The following ADARB2 variants were observed in gnomAD, a reference collection of about 807,000 sequenced individuals.
ADARB2 encodes adenosine deaminase RNA specific B2 (inactive).
Under a neutral mutation model 62.2 loss-of-function variants are expected in ADARB2, and 25 were observed. The observed-to-expected ratio is 0.40, with a 90% CI of 0.29 to 0.56. The LOEUF is 0.56. Ranked by LOEUF, ADARB2 falls within the 20% of genes least tolerant of loss-of-function variation. The pLI is 0.43. For synonymous variants in ADARB2, 572 were observed against 500.8 expected, an observed-to-expected ratio of 1.14 and a Z score of -1.90; for missense variants, 1,071 against 1,077.4, an observed-to-expected ratio of 0.99 and a Z score of 0.08.
intron 1 of ADARB2, among the ~76,000 whole-genome samples, chr10:1,511,191 G>A (rs987659740): frequency 4.2e-4 from 64 of 152,164 alleles, no homozygotes; most frequent in African/African-American, 1.4e-3. Context: ...CTGCTGGGGT[G>A]GGTGGGCGTA....
chr10:1,640,634 A>G (rs1042417009), intron 1 of ADARB2, among the ~76,000 whole-genome samples: 1 of 152,292 alleles, frequency 6.6e-6, no homozygotes, highest in South Asian at 2.1e-4. Context: ...GTTGCCTGGG[A>G]GACACACACA....
chr10:1,528,664 T>A (rs536345207), intron 1 of ADARB2, among the ~76,000 whole-genome samples: 2 of 152,342 alleles, frequency 1.3e-5, no homozygotes, highest in Admixed American at 1.3e-4. Context: ...ATGGCACTCT[T>A]GCCCGTTGGG....
At chr10:1,625,507 G>C (rs1833755805) in intron 1 of ADARB2, among the ~76,000 whole-genome samples, 1 of 152,080 alleles carries the variant, frequency 6.6e-6, no homozygotes, top group Non-Finnish European at 1.5e-5. Flanking sequence ...TTCCTCGGAG[G>C]GAAAAACAGG....
intron 3 of ADARB2, chr10:1,293,127 CATAGGGAAGGAAAGAGAGAGGG>C (rs1831487013): frequency 1.5e-5 from 1 of 67,696 alleles, no homozygotes. Flanking sequence ...GAGAAAGGGA[CATAGGGAAGGAAAGAGAGAGGG>C]AGAGGGAGGG....
intron 1 of ADARB2, among the ~76,000 whole-genome samples, chr10:1,471,258 C>T (rs1043662556): frequency 6.6e-6 from 1 of 152,212 alleles, no homozygotes; most frequent in Non-Finnish European, 1.5e-5. Flanking sequence ...ACCTTCCCAC[C>T]GTTCTCCTTC....
rs181763011 is a variant in ADARB2, at chr10:1,461,894, G to A, written c.101-82734C>T. On this transcript the variant is annotated intron_variant, in intron 1 of 9. Transcript: ENST00000381312. The stretch of plus-strand genomic sequence containing the variant: ...GCATGCACCTGTGATTTCAGCTACC[G>A]GGGAGGCTGAGGCAGGAGAATCGCT... Among the ~76,000 whole-genome samples the A allele has an allele frequency of 1.8e-3, 272 of 152,192 alleles. 3 individuals are homozygous for A. Among genetic ancestry groups the A allele is most frequent in the Non-Finnish European group, 3.4e-3 (228 of 68,004 alleles).
intron 3 of ADARB2, among the ~76,000 whole-genome samples, chr10:1,283,816 G>A (rs1831390100): frequency 6.6e-6 from 1 of 152,208 alleles, no homozygotes; most frequent in Non-Finnish European, 1.5e-5. Flanking sequence ...GAGTGGGGTA[G>A]TCAGGGAAGC....
At chr10:1,716,397 A>C (rs910909475) in intron 1 of ADARB2, among the ~76,000 whole-genome samples, 4 of 152,272 alleles carry the variant, frequency 2.6e-5, no homozygotes, top group African/African-American at 9.6e-5. Flanking sequence ...CAAAGTAAAA[A>C]TTGTAGATTA....
At chr10:1,193,876 C>G (rs1461092719) in intron 8 of ADARB2, among the ~76,000 whole-genome samples, 2 of 151,950 alleles carry the variant, frequency 1.3e-5, no homozygotes, top group African/African-American at 4.8e-5. Context: ...TTTTTGGTCT[C>G]TGTTTTTCAG....
chr10:1,595,435 G>A (rs2132011024), intron 1 of ADARB2, among the ~76,000 whole-genome samples: 1 of 152,350 alleles, frequency 6.6e-6, no homozygotes, highest in East Asian at 1.9e-4. Context: ...AGGACGTTCA[G>A]AAGGATCAAC....
intron 3 of ADARB2, among the ~76,000 whole-genome samples, chr10:1,316,699 C>G (rs897154497): frequency 3.3e-5 from 5 of 152,192 alleles, no homozygotes; most frequent in South Asian, 2.1e-4. Flanking sequence ...CTCCCCACAC[C>G]CCATGTGCAC....
chr10:1,601,993 A>G (rs1353742162), intron 1 of ADARB2, among the ~76,000 whole-genome samples: 1 of 84,762 alleles, frequency 1.2e-5, no homozygotes, highest in African/African-American at 4.5e-5. Flanking sequence ...GTTCTCCCTC[A>G]GAGATGGACT....
intron 1 of ADARB2, among the ~76,000 whole-genome samples, chr10:1,634,250 A>C (rs573350101): frequency 6.6e-6 from 1 of 152,326 alleles, no homozygotes; most frequent in Non-Finnish European, 1.5e-5. Flanking sequence ...CATCTGTGAG[A>C]ACACTGGACA....
At chr10:1,184,709 C>T (rs1344062129) in intron 9 of ADARB2, 152 bp downstream of exon 9, 3 of 896,198 alleles carry the variant, frequency 3.3e-6, no homozygotes, top group African/African-American at 3.4e-5. Flanking sequence ...ACGCTGCTGG[C>T]CTGGGCAGCT....
chr10:1,360,086 T>C (rs1039575141), intron 3 of ADARB2, among the ~76,000 whole-genome samples: 6 of 152,256 alleles, frequency 3.9e-5, no homozygotes, highest in Admixed American at 3.3e-4. Context: ...GACGTGGTTT[T>C]GTGGTCCTGC....
At chr10:1,672,113 C>G (rs1314712921) in intron 1 of ADARB2, among the ~76,000 whole-genome samples, 1 of 150,280 alleles carries the variant, frequency 6.7e-6, no homozygotes, top group East Asian at 2.0e-4. Context: ...AGAGCCCTAC[C>G]CCATCCCCGA....
At chr10:1,569,636 T>G (rs567529683) in intron 1 of ADARB2, among the ~76,000 whole-genome samples, 26 of 152,212 alleles carry the variant, frequency 1.7e-4, no homozygotes, top group Non-Finnish European at 2.8e-4. Flanking sequence ...CCTGTCTCCT[T>G]TTTAGAAATT....
Position 1,623,923 on chromosome 10 carries a change from C to A in ADARB2, c.100+113128G>T, listed in dbSNP as rs551033217. ...AAATGATTTGGCCAAGGTAGCTCAG[C>A]TGGTGAAAGAGATTCAGGGTAAGAA... On this transcript the variant is annotated intron_variant, in intron 1 of 9. Coordinates refer to ENST00000381312, the MANE Select transcript of ADARB2 (RefSeq NM_018702.4). Among the ~76,000 whole-genome samples, 3 of 152,294 alleles carry A rather than the reference C, an allele frequency of 2.0e-5. No individual in the cohort carries two copies. The East Asian group carries it at 5.8e-4, about 29-fold the overall frequency.
chr10:1,707,090 T>C (rs1834899174), intron 1 of ADARB2, among the ~76,000 whole-genome samples: 1 of 152,250 alleles, frequency 6.6e-6, no homozygotes, highest in Admixed American at 6.5e-5. Context: ...ATCAAAATTA[T>C]TTCGATCACA....
Sources: allele counts gnomAD v4.1 joint callset (sites outside exome capture counted in the v4.1 genomes callset), GRCh38; gene constraint gnomAD v4.1.1; transcripts MANE v1.5; gene names NCBI Gene and HGNC (gene_info 2026-07-23, HGNC 2026-07-21).